The following RBFOX1 variants were observed in gnomAD, a reference collection of about 807,000 sequenced individuals.
RBFOX1 encodes the protein RNA binding fox-1 homolog 1.
Under a neutral mutation model 57.7 loss-of-function variants are expected in RBFOX1, and 8 were observed. The ratio of observed to expected loss-of-function variants is 0.14; its 90% confidence interval spans 0.08 to 0.25. The LOEUF is 0.25. RBFOX1 is among the 10% of genes least tolerant of loss of function. The probability of loss-of-function intolerance (pLI) is 1.00; values close to 1 mark genes in which losing one functional copy is unlikely to be tolerated. For missense variants in RBFOX1, 611 were observed against 548.5 expected (o/e 1.11, Z -1.14); for synonymous variants, 326 against 222.4 (o/e 1.47, Z -4.15).
In RBFOX1 at chr16:7,029,059, T is replaced by TATATATATATAC. The variant is rs1350337664; in HGVS notation, c.-15-22987_-15-22986insCATATATATATA. ...GAAAAAAAAAAGCTATATATATATA[T>TATATATATATAC]ATATATATATATATATATATATACA... On this transcript the variant is annotated intron_variant, in intron 3 of 15. Coordinates refer to ENST00000550418, the MANE Select transcript of RBFOX1 (RefSeq NM_018723.4). 2.2e-3 allele frequency among the ~76,000 whole-genome samples: 67 copies of TATATATATATAC among 30,218 alleles called. 1 individual carries two copies. The highest frequency in any genetic ancestry group is 0.022 in the South Asian group (13 of 598). 19.8% of individuals were successfully genotyped at this position (30,218 alleles called of 152,430 possible). A position where few individuals can be genotyped will look rare whatever the true frequency, so the allele number is the denominator to read the frequency against.
intron 1 of RBFOX1, among the ~76,000 whole-genome samples, chr16:5,391,866 G>T (rs1165118416): frequency 6.8e-6 from 1 of 146,914 alleles, no homozygotes; most frequent in Non-Finnish European, 1.5e-5. Context: ...AGTGGATAAA[G>T]AAACTATGGT....
chr16:6,334,507 C>CAAAAAAAA (rs35514991), intron 2 of RBFOX1, among the ~76,000 whole-genome samples: 82 of 115,918 alleles, frequency 7.1e-4, no homozygotes, highest in African/African-American at 2.4e-3. Flanking sequence ...GATAGCATCT[C>CAAAAAAAA]AAAAAAAAAA....
chr16:7,482,720 G>T (rs577446163), intron 4 of RBFOX1, among the ~76,000 whole-genome samples: 2 of 151,784 alleles, frequency 1.3e-5, no homozygotes, highest in Non-Finnish European at 2.9e-5. Flanking sequence ...AATGATGAAG[G>T]AATTTTCCTT....
At chr16:6,184,783 G>A (rs1194276917) in intron 1 of RBFOX1, among the ~76,000 whole-genome samples, 1 of 151,674 alleles carries the variant, frequency 6.6e-6, no homozygotes, top group Non-Finnish European at 1.5e-5. Context: ...TGGCCAGGAT[G>A]GCCTTGATCT....
intron 4 of RBFOX1, among the ~76,000 whole-genome samples, chr16:7,186,662 T>C (rs867715003): frequency 3.2e-4 from 48 of 148,088 alleles, no homozygotes; most frequent in African/African-American, 9.6e-4. Context: ...TATATTTATG[T>C]ATATTTATAT....
At chr16:5,432,977 G>T (rs570866921) in intron 1 of RBFOX1, among the ~76,000 whole-genome samples, 1 of 152,004 alleles carries the variant, frequency 6.6e-6, no homozygotes, top group Non-Finnish European at 1.5e-5. Flanking sequence ...GTACAGACAG[G>T]GTTTCACCAT....
chr16:6,323,448 A>G (rs570546893), intron 2 of RBFOX1, among the ~76,000 whole-genome samples: 6 of 152,118 alleles, frequency 3.9e-5, no homozygotes, highest in African/African-American at 1.4e-4. Context: ...TTGCTTCTGT[A>G]TCCTTAGCAC....
At chr16:6,449,549 C>G (rs1468551724) in intron 2 of RBFOX1, among the ~76,000 whole-genome samples, 1 of 152,138 alleles carries the variant, frequency 6.6e-6, no homozygotes, top group Non-Finnish European at 1.5e-5. Context: ...TTGGCTGAAT[C>G]GGAGGATTTA....
chr16:7,564,210 A>G (rs568869925), intron 5 of RBFOX1, among the ~76,000 whole-genome samples: 1 of 152,248 alleles, frequency 6.6e-6, no homozygotes, highest in South Asian at 2.1e-4. Flanking sequence ...CAGAGATATC[A>G]GAGCTTCCCT....
chr16:7,317,161 C>A (rs570712751), intron 4 of RBFOX1, among the ~76,000 whole-genome samples: 1 of 151,966 alleles, frequency 6.6e-6, no homozygotes, highest in Non-Finnish European at 1.5e-5. Context: ...AGCTGATGGT[C>A]GCTTGGACTA....
At chr16:6,884,739 A>G (rs1362932297) in intron 3 of RBFOX1, among the ~76,000 whole-genome samples, 2 of 152,062 alleles carry the variant, frequency 1.3e-5, no homozygotes, top group Non-Finnish European at 2.9e-5. Flanking sequence ...CTGTACTAAA[A>G]ATACAAAAAT....
chr16:5,407,415 C>T (rs1030885766), intron 1 of RBFOX1, among the ~76,000 whole-genome samples: 2 of 152,032 alleles, frequency 1.3e-5, no homozygotes, highest in African/African-American at 4.8e-5. Flanking sequence ...GAGGGAAAAA[C>T]AAGAGCAGAG....
At chr16:6,832,670 AC>A (rs2092792643) in intron 3 of RBFOX1, among the ~76,000 whole-genome samples, 1 of 152,060 alleles carries the variant, frequency 6.6e-6, no homozygotes, top group Non-Finnish European at 1.5e-5. Context: ...TTCAGTAATT[AC>A]TTTACCCACT....
At chr16:6,960,931 C>T (rs1401273958) in intron 3 of RBFOX1, among the ~76,000 whole-genome samples, 2 of 145,908 alleles carry the variant, frequency 1.4e-5, no homozygotes, top group Non-Finnish European at 3.0e-5. Flanking sequence ...GTCAGGAGAC[C>T]AGCCTGGCCA....
At chr16:5,741,420 C>T (rs529335286) in intron 3 of RBFOX1, among the ~76,000 whole-genome samples, 56 of 152,160 alleles carry the variant, frequency 3.7e-4, no homozygotes, top group African/African-American at 1.3e-3. Context: ...TAAATGTCCT[C>T]ATTAAAGTGG....
intron 3 of RBFOX1, among the ~76,000 whole-genome samples, chr16:6,762,667 G>A (rs972471983): frequency 6.6e-6 from 1 of 152,116 alleles, no homozygotes; most frequent in South Asian, 2.1e-4. Context: ...ATTAAACTTG[G>A]CATTTGGTTA....
At chr16:7,005,585 G>T (rs913734030) in intron 3 of RBFOX1, among the ~76,000 whole-genome samples, 2 of 152,186 alleles carry the variant, frequency 1.3e-5, no homozygotes, top group African/African-American at 4.8e-5. Context: ...GATCCTATTA[G>T]TGATGGCTTG....
intron 2 of RBFOX1, among the ~76,000 whole-genome samples, chr16:6,512,168 C>T (rs374241232): frequency 4.7e-5 from 7 of 149,414 alleles, no homozygotes; most frequent in African/African-American, 1.7e-4. Context: ...CCTGTGGTCC[C>T]ACTTACTTGG....
At chr16:6,250,411 G>C (rs568871852) in intron 1 of RBFOX1, among the ~76,000 whole-genome samples, 1 of 152,114 alleles carries the variant, frequency 6.6e-6, no homozygotes, top group Non-Finnish European at 1.5e-5. Context: ...TTTGTGATGC[G>C]GAGGTGGGAT....
Sources: allele counts gnomAD v4.1 joint callset (sites outside exome capture counted in the v4.1 genomes callset), GRCh38; gene constraint gnomAD v4.1.1; transcripts MANE v1.5; gene names NCBI Gene and HGNC (gene_info 2026-07-23, HGNC 2026-07-21).